Variants in KDM3A observed in about 807,000 individuals in gnomAD.
KDM3A encodes lysine-specific demethylase 3A.
KDM3A carries 60 observed loss-of-function variants against 158.0 expected under a neutral mutation model. The observed-to-expected ratio is 0.38, with a 90% CI of 0.31 to 0.47. The LOEUF (loss-of-function observed/expected upper bound fraction) is 0.47, where lower values mean the gene tolerates loss of function less well. Ranked by LOEUF, KDM3A falls within the 20% of genes least tolerant of loss-of-function variation. The pLI is 0.99. For synonymous variants in KDM3A, 608 were observed against 549.3 expected, an observed-to-expected ratio of 1.11 and a Z score of -1.49; for missense variants, 1,319 against 1,574.3, an observed-to-expected ratio of 0.84 and a Z score of 2.74.
chr2:86,438,433 T>C (rs930046514), upstream of KDM3A, among the ~76,000 whole-genome samples: 2 of 152,084 alleles, frequency 1.3e-5, no homozygotes, highest in Admixed American at 6.5e-5. Context: ...ATGTACATCA[T>C]GGTGACTACA....
chr2:86,482,173 G>A, intron 17 of KDM3A, 71 bp downstream of exon 17: 2 of 1,506,122 alleles, frequency 1.3e-6, no homozygotes, highest in South Asian at 1.2e-5. Context: ...AGAGAAGTTG[G>A]AACTGAAAGT....
upstream of KDM3A, chr2:86,441,151 T>TG (rs1214871606): frequency 1.3e-5 from 2 of 152,162 alleles, no homozygotes; most frequent in Non-Finnish European, 2.9e-5. Context: ...TTTAACCTAA[T>TG]GGGGGTCGCC....
intron 5 of KDM3A, among the ~76,000 whole-genome samples, chr2:86,455,656 A>G (rs951175590): frequency 6.6e-6 from 1 of 152,160 alleles, no homozygotes; most frequent in African/African-American, 2.4e-5. Flanking sequence ...AACTAACAGT[A>G]AAGTAGGGCC....
intron 9 of KDM3A, among the ~76,000 whole-genome samples, chr2:86,465,937 A>AC (rs1673121547): frequency 1.4e-5 from 1 of 73,106 alleles, no homozygotes; most frequent in Non-Finnish European, 2.9e-5. Context: ...AAATTTACAC[A>AC]CAAAAAAAAA....
intron 11 of KDM3A, among the ~76,000 whole-genome samples, chr2:86,472,162 G>GGC (rs1036698102): frequency 8.9e-5 from 5 of 56,102 alleles, no homozygotes; most frequent in African/African-American, 5.9e-4. Flanking sequence ...TATGATTAGA[G>GGC]CTTTTTTTTT....
rs749795762 is a variant in KDM3A, at chr2:86,451,086, G to C, written c.343-17G>C. The stretch of plus-strand genomic sequence containing the variant: ...CTGACAGCAGTTATGATGCTAAAGT[G>C]TTTTCTTTTGTTTTAGACGTACAAA... On this transcript the variant is annotated splice_polypyrimidine_tract_variant and intron_variant, in intron 3 of 25. Transcript: ENST00000312912. 1.3e-6 allele frequency: 2 copies of C among 1,544,590 alleles called. No homozygotes were observed. Among genetic ancestry groups the C allele is most frequent in the Non-Finnish European group, 1.8e-6 (2 of 1,135,180 alleles).
At chr2:86,486,560 C>G (rs1343261333) in intron 21 of KDM3A, among the ~76,000 whole-genome samples, 1 of 152,202 alleles carries the variant, frequency 6.6e-6, no homozygotes, top group Non-Finnish European at 1.5e-5. Context: ...TTTATTTACT[C>G]ATTTTTACTA....
chr2:86,471,233 G>A (rs1053536534), intron 11 of KDM3A, among the ~76,000 whole-genome samples: 4 of 151,658 alleles, frequency 2.6e-5, no homozygotes, highest in Non-Finnish European at 4.4e-5. Flanking sequence ...GTGTGTGTGT[G>A]TATGTATATG....
At chr2:86,449,586 T>A (rs1337368002) in intron 2 of KDM3A, among the ~76,000 whole-genome samples, 1 of 152,170 alleles carries the variant, frequency 6.6e-6, no homozygotes, top group Non-Finnish European at 1.5e-5. Flanking sequence ...CCAAAAAGCC[T>A]TGACTTCTGC....
At chr2:86,456,360 G>T in intron 5 of KDM3A, 82 bp from the exon 6 acceptor site, 1 of 1,019,600 alleles carries the variant, frequency 9.8e-7, no homozygotes, top group Non-Finnish European at 1.4e-6. Flanking sequence ...AAAAGACTTA[G>T]GAAAAGATTG....
chr2:86,478,075 T>C (rs1461592406), intron 13 of KDM3A, 46 bp downstream of exon 13: 1 of 1,612,442 alleles, frequency 6.2e-7, no homozygotes, highest in Non-Finnish European at 8.5e-7. Flanking sequence ...CACAGTTAAA[T>C]CAAGTGTTTT....
intron 2 of KDM3A, among the ~76,000 whole-genome samples, chr2:86,447,814 T>C (rs112811932): frequency 3.3e-5 from 5 of 152,362 alleles, no homozygotes; most frequent in African/African-American, 4.8e-5. Context: ...ATTCAAGGTC[T>C]CTGAATCTGG....
intron 8 of KDM3A, 83 bp downstream of exon 8, chr2:86,457,154 T>A: frequency 2.0e-6 from 1 of 496,328 alleles, no homozygotes; most frequent in Non-Finnish European, 3.2e-6. Flanking sequence ...ATTATTTATT[T>A]AATTATTTTT....
At chr2:86,461,048 C>CT (rs1379508889) in intron 8 of KDM3A, among the ~76,000 whole-genome samples, 10 of 150,266 alleles carry the variant, frequency 6.7e-5, no homozygotes, top group Non-Finnish European at 1.5e-4. Context: ...TGTTTTTCTG[C>CT]TTTAAGACAG....
chr2:86,488,196 C>T (rs1263569976), intron 21 of KDM3A: 1 of 152,018 alleles, frequency 6.6e-6, no homozygotes, highest in Admixed American at 6.6e-5. Flanking sequence ...TCATTTCATT[C>T]ATTTTATTTC....
Position 86,444,918 on chromosome 2 carries a change from CAG to C in KDM3A, c.186+2686_186+2687del, listed in dbSNP as rs1279387744. On this transcript the variant is annotated intron_variant, in intron 2 of 25. Coordinates refer to ENST00000312912, the MANE Select transcript of KDM3A (RefSeq NM_018433.6). ...AGAAGTTAAGGTGAAGACATAATAA[CAG>C]TGGATAACTATGATTAAATGGTTAC... Among the ~76,000 whole-genome samples, 4 of 152,200 alleles carry C rather than the reference CAG, an allele frequency of 2.6e-5. No homozygotes were observed. The East Asian group carries it at 7.7e-4, about 29-fold the overall frequency.
At chr2:86,456,374 T>C (rs1672694720) in intron 5 of KDM3A, 68 bp from the exon 6 acceptor site, 9 of 1,129,900 alleles carry the variant, frequency 8.0e-6, no homozygotes, top group Non-Finnish European at 1.1e-5. Flanking sequence ...AAGATTGTCC[T>C]GGATGATGTT....
chr2:86,484,073 A>C lies in KDM3A; in HGVS notation c.3009A>C (p.Glu1003Asp). ...TCAGGAAAGAGTTTGGTGAGCAGGA[A>C]GTAGACCTAGTTAATTGTAGGACCA... ...ESFRKEFGEQ[E>D]VDLVNCRTNE... The change falls in exon 19 of 26, where the codon GAA becomes GAC. Residue 1003 changes from glutamate (E) to aspartate (D), a missense_variant. Glu to Asp is a conservative substitution (Grantham distance 45, BLOSUM62 2). This residue lies in a region of KDM3A where 368 missense variants were observed against 415.8 expected (regional missense o/e 0.89). Coordinates refer to ENST00000312912, the MANE Select transcript of KDM3A (RefSeq NM_018433.6). The C allele has an allele frequency of 2.5e-6, 4 of 1,614,018 alleles. No homozygotes were observed. Among genetic ancestry groups the C allele is most frequent in the Non-Finnish European group, 3.4e-6 (4 of 1,179,896 alleles).
Position 86,492,427 on chromosome 2 carries a change from C to T in KDM3A, c.*308C>T, listed in dbSNP as rs1450907378. On this transcript the variant is annotated 3_prime_UTR_variant, in exon 26 of 26. Coordinates refer to ENST00000312912, the MANE Select transcript of KDM3A (RefSeq NM_018433.6). Reference sequence around the variant, plus strand: ...TGCAGTTATTCTTCAGCTGTTTGGACAACTTAGATTGGGTTTATAACTATT... The same window carrying T: ...TGCAGTTATTCTTCAGCTGTTTGGATAACTTAGATTGGGTTTATAACTATT... 3 of 277,292 alleles carry T rather than the reference C, an allele frequency of 1.1e-5. No individual in the cohort carries two copies. Among genetic ancestry groups the T allele is most frequent in the Non-Finnish European group, 1.4e-5 (2 of 145,904 alleles). 17.2% of individuals were successfully genotyped at this position (277,292 alleles called of 1,614,324 possible).
Sources: allele counts gnomAD v4.1 joint callset (sites outside exome capture counted in the v4.1 genomes callset), GRCh38; gene constraint gnomAD v4.1.1; regional missense constraint gnomAD v4.1.1; transcripts MANE v1.5; gene names NCBI Gene and HGNC (gene_info 2026-07-23, HGNC 2026-07-21).